Variants in DCC observed in about 807,000 individuals in gnomAD.
DCC encodes netrin receptor DCC.
Under a neutral mutation model 172.5 loss-of-function variants are expected in DCC, and 58 were observed. That is an observed-to-expected ratio of 0.34 (90% CI 0.27 to 0.42). The LOEUF (loss-of-function observed/expected upper bound fraction) is 0.42, where lower values mean the gene tolerates loss of function less well. DCC is among the 10% of genes least tolerant of loss of function. The pLI, the probability that DCC is intolerant of heterozygous loss-of-function variation, is 1.00. For missense variants in DCC, 1,740 were observed against 1,791.0 expected (o/e 0.97, Z 0.51); for synonymous variants, 709 against 644.5 (o/e 1.10, Z -1.52).
chr18:52,948,502 C>G (rs1172905647), intron 5 of DCC, among the ~76,000 whole-genome samples: 1 of 152,110 alleles, frequency 6.6e-6, no homozygotes, highest in Non-Finnish European at 1.5e-5. Flanking sequence ...ATTTATGCTT[C>G]TCTTCATTAC....
At chr18:53,385,606 C>G (rs1908104225) in intron 15 of DCC, among the ~76,000 whole-genome samples, 2 of 152,194 alleles carry the variant, frequency 1.3e-5, no homozygotes, top group Admixed American at 1.3e-4. Flanking sequence ...TGTTCTGGAA[C>G]TGATCTGCTG....
At chr18:52,849,158 A>G (rs951468272) in intron 2 of DCC, among the ~76,000 whole-genome samples, 1 of 152,102 alleles carries the variant, frequency 6.6e-6, no homozygotes, top group Non-Finnish European at 1.5e-5. Context: ...TGAAAATCAT[A>G]TAGTTGGGAA....
intron 9 of DCC, among the ~76,000 whole-genome samples, chr18:53,179,704 G>A (rs1426976959): frequency 1.3e-5 from 2 of 151,954 alleles, no homozygotes; most frequent in South Asian, 2.1e-4. Context: ...TTTGACCAAT[G>A]TATAATTCAA....
intron 5 of DCC, among the ~76,000 whole-genome samples, chr18:52,985,106 G>A (rs1215896071): frequency 1.3e-5 from 2 of 151,526 alleles, no homozygotes; most frequent in African/African-American, 2.4e-5. Context: ...TTGATTGTTC[G>A]GCTCTACCAC....
At chr18:53,139,778 T>C (rs2043803137) in intron 7 of DCC, among the ~76,000 whole-genome samples, 1 of 152,128 alleles carries the variant, frequency 6.6e-6, no homozygotes, top group African/African-American at 2.4e-5. Context: ...CCACTGTTCT[T>C]TGCCACCTCT....
At chr18:52,957,061 A>T (rs965921543) in intron 5 of DCC, among the ~76,000 whole-genome samples, 1 of 152,170 alleles carries the variant, frequency 6.6e-6, no homozygotes, top group Non-Finnish European at 1.5e-5. Flanking sequence ...CAACACTAGG[A>T]TAGACTATTT....
At chr18:53,236,249 C>A (rs1244016078) in intron 12 of DCC, among the ~76,000 whole-genome samples, 1 of 152,132 alleles carries the variant, frequency 6.6e-6, no homozygotes, top group Non-Finnish European at 1.5e-5. Context: ...AATTTGTTGA[C>A]ATCTTAATTT....
At chr18:52,813,891 C>A (rs2145254888) in intron 2 of DCC, among the ~76,000 whole-genome samples, 1 of 152,276 alleles carries the variant, frequency 6.6e-6, no homozygotes, top group Non-Finnish European at 1.5e-5. Context: ...CTTGAGGCTG[C>A]TAGCTTTCAA....
chr18:53,458,255 G>T (rs1297669728), intron 23 of DCC, among the ~76,000 whole-genome samples: 1 of 152,026 alleles, frequency 6.6e-6, no homozygotes, highest in Non-Finnish European at 1.5e-5. Context: ...CTAGGGAAAG[G>T]GTCAAAAATG....
chr18:52,904,725 T>C (rs1017134846), intron 2 of DCC, among the ~76,000 whole-genome samples: 1 of 152,204 alleles, frequency 6.6e-6, no homozygotes, highest in Non-Finnish European at 1.5e-5. Context: ...ATATGATTAG[T>C]AAAACTTGAC....
intron 2 of DCC, among the ~76,000 whole-genome samples, chr18:52,773,923 T>C (rs1052392195): frequency 2.0e-5 from 3 of 152,112 alleles, no homozygotes; most frequent in Non-Finnish European, 2.9e-5. Context: ...GGAAGACAGA[T>C]GAATCAAGGC....
chr18:53,048,759 A>T (rs573395151), intron 5 of DCC, among the ~76,000 whole-genome samples: 3 of 151,680 alleles, frequency 2.0e-5, no homozygotes, highest in African/African-American at 7.2e-5. Flanking sequence ...CAGCTCTTTG[A>T]GGAATCTTCA....
At chr18:52,780,646 A>C (rs543313102) in intron 2 of DCC, among the ~76,000 whole-genome samples, 1 of 152,292 alleles carries the variant, frequency 6.6e-6, no homozygotes, top group East Asian at 1.9e-4. Context: ...AGTATAAGCT[A>C]ATGGTAAGAA....
At chr18:52,343,805 A>G (rs1276146604) in intron 1 of DCC, among the ~76,000 whole-genome samples, 1 of 152,218 alleles carries the variant, frequency 6.6e-6, no homozygotes, top group Non-Finnish European at 1.5e-5. Flanking sequence ...TCCCTAGGCG[A>G]CCTCTTCTCA....
chr18:52,909,747 A>G (rs1226569128), intron 3 of DCC, among the ~76,000 whole-genome samples: 1 of 152,120 alleles, frequency 6.6e-6, no homozygotes, highest in Non-Finnish European at 1.5e-5. Flanking sequence ...AATCTTACAT[A>G]CCTGACATCT....
intron 1 of DCC, among the ~76,000 whole-genome samples, chr18:52,610,170 AAAAAAAAAATATAT>A (rs2034233250): frequency 2.4e-4 from 6 of 24,622 alleles, no homozygotes; most frequent in Non-Finnish European, 3.5e-4. Flanking sequence ...AAAAAAAAAA[AAAAAAAAAATATAT>A]ATATATATAT....
chr18:52,429,862 G>A (rs1184422061), intron 1 of DCC, among the ~76,000 whole-genome samples: 1 of 152,074 alleles, frequency 6.6e-6, no homozygotes, highest in Non-Finnish European at 1.5e-5. Flanking sequence ...AGAAGGAAAA[G>A]CAGATTTTGC....
chr18:53,067,441 G>A (rs2042589021), intron 7 of DCC, among the ~76,000 whole-genome samples: 1 of 152,112 alleles, frequency 6.6e-6, no homozygotes, highest in Admixed American at 6.6e-5. Flanking sequence ...ACAATCGTTT[G>A]AGCCCAGGGT....
At chr18:53,259,075 C>CCT (rs1181652011) in intron 12 of DCC, among the ~76,000 whole-genome samples, 1 of 151,530 alleles carries the variant, frequency 6.6e-6, no homozygotes, top group African/African-American at 2.4e-5. Context: ...AGATCTTCCT[C>CCT]CATCCCTTTA....
Sources: gnomAD v4.1 joint callset for allele counts (sites outside exome capture counted in the v4.1 genomes callset) on GRCh38, gnomAD v4.1.1 for gene constraint, MANE v1.5 for transcripts, NCBI Gene and HGNC (gene_info 2026-07-23, HGNC 2026-07-21) for gene names.